Variants in ZNG1A observed in about 807,000 individuals in gnomAD.
The protein encoded by ZNG1A is Zn regulated GTPase metalloprotein activator 1A, also known as zinc-regulated GTPase metalloprotein activator 1A.
the ZNG1A span, among the ~76,000 whole-genome samples, chr9:165,409 A>G: frequency 6.9e-6 from 1 of 145,676 alleles, no homozygotes; most frequent in Non-Finnish European, 1.5e-5. Context: ...TTAATGCTTT[A>G]TTCTAAAACT....
chr9:174,211 GA>G, the ZNG1A span, among the ~76,000 whole-genome samples: 1 of 149,594 alleles, frequency 6.7e-6, no homozygotes, highest in Non-Finnish European at 1.5e-5. Flanking sequence ...ACTTACTTAA[GA>G]AAGAATAAAC....
At chr9:154,493 AT>A in the ZNG1A span, 2 of 576,188 alleles carry the variant, frequency 3.5e-6, no homozygotes, top group African/African-American at 1.9e-5. Flanking sequence ...ATATCAGTCT[AT>A]TAACTGTGAA....
the ZNG1A span, chr9:156,557 C>T: frequency 5.4e-4 from 864 of 1,592,166 alleles, 2 homozygotes; most frequent in African/African-American, 0.011. Context: ...AATAAAGTTA[C>T]TATAATACAA....
the ZNG1A span, among the ~76,000 whole-genome samples, chr9:130,606 T>C: frequency 1.1e-4 from 13 of 116,860 alleles, no homozygotes; most frequent in African/African-American, 3.0e-4. Flanking sequence ...TAATTTTTTG[T>C]ATTTTTTGCA....
At chr9:165,996 C>G in the ZNG1A span, 2 of 147,326 alleles carry the variant, frequency 1.4e-5, no homozygotes, top group African/African-American at 5.2e-5. Context: ...AAATACACTC[C>G]AAAATGACAA....
At chr9:170,553 T>C in the ZNG1A span, among the ~76,000 whole-genome samples, 1 of 150,356 alleles carries the variant, frequency 6.7e-6, no homozygotes, top group Non-Finnish European at 1.5e-5. Context: ...GCCTGGCTAG[T>C]TTTTGAATTT....
At chr9:173,812 C>T in the ZNG1A span, among the ~76,000 whole-genome samples, 1 of 152,166 alleles carries the variant, frequency 6.6e-6, no homozygotes, top group South Asian at 2.1e-4. Context: ...GTTAGACAAA[C>T]TGCTGAATAT....
the ZNG1A span, among the ~76,000 whole-genome samples, chr9:143,274 A>T: frequency 6.7e-6 from 1 of 149,234 alleles, no homozygotes; most frequent in Non-Finnish European, 1.5e-5. Flanking sequence ...TCCTTGATGA[A>T]CATTGATGTA....
the ZNG1A span, among the ~76,000 whole-genome samples, chr9:155,190 A>G: frequency 1.3e-5 from 2 of 151,656 alleles, no homozygotes; most frequent in African/African-American, 4.8e-5. Flanking sequence ...GGTAAAAAGA[A>G]GAAGAGTTTA....
chr9:169,772 TA>T, the ZNG1A span, among the ~76,000 whole-genome samples: 12 of 150,238 alleles, frequency 8.0e-5, no homozygotes, highest in Non-Finnish European at 1.6e-4. Context: ...TTTTTAGCAA[TA>T]AATATTTTTA....
the ZNG1A span, chr9:172,162 G>A: frequency 1.2e-6 from 2 of 1,611,006 alleles, no homozygotes; most frequent in Non-Finnish European, 1.7e-6. Flanking sequence ...ATAGCTCTAA[G>A]GCCACTGTCC....
At chr9:154,845 C>T in the ZNG1A span, 2 of 1,369,598 alleles carry the variant, frequency 1.5e-6, no homozygotes, top group Non-Finnish European at 2.0e-6. Context: ...AATATACACG[C>T]ATGCAGATTA....
At chr9:168,406 C>T in the ZNG1A span, among the ~76,000 whole-genome samples, 2 of 151,864 alleles carry the variant, frequency 1.3e-5, no homozygotes, top group Non-Finnish European at 2.9e-5. Context: ...GCTCCCACCA[C>T]CAAGCCAGGC....
chr9:127,073 T>G, the ZNG1A span, among the ~76,000 whole-genome samples: 1 of 152,150 alleles, frequency 6.6e-6, no homozygotes, highest in Non-Finnish European at 1.5e-5. Context: ...TTCTTAAAAT[T>G]TATTGAGGCT....
the ZNG1A span, among the ~76,000 whole-genome samples, chr9:127,153 G>A: frequency 6.6e-6 from 1 of 152,060 alleles, no homozygotes; most frequent in African/African-American, 2.4e-5. Flanking sequence ...CGTATATTCT[G>A]TGGTTGTTGG....
chr9:177,165 CGG>C, the ZNG1A span, among the ~76,000 whole-genome samples: 2 of 152,116 alleles, frequency 1.3e-5, no homozygotes, highest in Admixed American at 1.3e-4. Flanking sequence ...GTTCATTGTG[CGG>C]GGCCAATTTG....
the ZNG1A span, among the ~76,000 whole-genome samples, chr9:159,352 T>C: frequency 1.6e-4 from 23 of 148,228 alleles, no homozygotes; most frequent in Middle Eastern, 3.4e-3. Context: ...GCATAAGTCA[T>C]GGAGAGCTAA....
the ZNG1A span, among the ~76,000 whole-genome samples, chr9:159,009 A>G: frequency 6.6e-6 from 1 of 152,224 alleles, no homozygotes; most frequent in South Asian, 2.1e-4. Flanking sequence ...TTGGTCATTA[A>G]GTCAGATGAC....
At chr9:172,056 G>A in the ZNG1A span, 6 of 1,609,630 alleles carry the variant, frequency 3.7e-6, no homozygotes, top group Non-Finnish European at 5.1e-6. Context: ...ACTATATTCT[G>A]GTTATTAATA....
Sources: gnomAD v4.1 joint callset for allele counts (sites outside exome capture counted in the v4.1 genomes callset) on GRCh38, gnomAD v4.1.1 for gene constraint, MANE v1.5 for transcripts, NCBI Gene and HGNC (gene_info 2026-07-23, HGNC 2026-07-21) for gene names.